AGAP1: variants seen among roughly 807,000 people sequenced by gnomAD.
AGAP1 encodes the protein arf-GAP with GTPase, ANK repeat and PH domain-containing protein 1.
In AGAP1, 29 loss-of-function variants were observed where a neutral mutation model predicts 105.3. The observed-to-expected ratio is 0.28, with a 90% CI of 0.21 to 0.38. The LOEUF (loss-of-function observed/expected upper bound fraction) is 0.38. Among genes scored for constraint, AGAP1 ranks in the 10% least tolerant of loss-of-function variants. AGAP1 has a pLI of 1.00. For missense variants in AGAP1, 998 were observed against 1,165.1 expected (o/e 0.86, Z 2.09); for synonymous variants, 509 against 485.9 (o/e 1.05, Z -0.63).
intron 14 of AGAP1, among the ~76,000 whole-genome samples, chr2:236,039,755 A>G (rs1483426421): frequency 1.3e-5 from 2 of 152,236 alleles, no homozygotes; most frequent in African/African-American, 4.8e-5. Flanking sequence ...AGCAATATGT[A>G]TTACGCTGGC....
intron 1 of AGAP1, among the ~76,000 whole-genome samples, chr2:235,567,711 ATGG>A (rs1442907012): frequency 2.2e-5 from 2 of 92,492 alleles, no homozygotes; most frequent in African/African-American, 4.3e-5. Flanking sequence ...AGAGCATCTG[ATGG>A]TGGTGGCCAG....
intron 1 of AGAP1, among the ~76,000 whole-genome samples, chr2:235,529,381 A>G (rs1159799678): frequency 1.3e-5 from 2 of 152,242 alleles, no homozygotes; most frequent in Non-Finnish European, 2.9e-5. Context: ...CCATGCTGTC[A>G]TTGCCATTGT....
chr2:235,852,880 T>C lies in AGAP1; in HGVS notation c.1051-30465T>C, dbSNP rs1297757532. 4 of 1,355,548 alleles carry C rather than the reference T, an allele frequency of 3.0e-6. No individual in the cohort carries two copies. The South Asian group carries it at 5.9e-5, about 20-fold the overall frequency. The allele number at this position is 1,355,548 out of a possible 1,614,324, so 84.0% of individuals were successfully genotyped here. The stretch of plus-strand genomic sequence containing the variant: ...GGTGGGAGTTAACATAGAGGTGAAC[T>C]CCAGATCGGCCGATAGCTTGCAGGC... On this transcript the variant is annotated intron_variant, in intron 9 of 17. Transcript: ENST00000304032.
At chr2:235,942,682 A>AC (rs1361675434) in intron 12 of AGAP1, among the ~76,000 whole-genome samples, 1 of 113,972 alleles carries the variant, frequency 8.8e-6, no homozygotes, top group Non-Finnish European at 1.8e-5. Flanking sequence ...AAAAAAAAAA[A>AC]AAATTACATT....
chr2:235,709,312 G>A (rs924091226), intron 2 of AGAP1, 75 bp downstream of exon 2: 2 of 1,519,330 alleles, frequency 1.3e-6, no homozygotes, highest in Non-Finnish European at 1.8e-6. Context: ...GCATTCCCAG[G>A]CAACTGGTCA....
At chr2:236,066,690 G>A (rs1490593327) in intron 16 of AGAP1, among the ~76,000 whole-genome samples, 1 of 152,136 alleles carries the variant, frequency 6.6e-6, no homozygotes, top group Non-Finnish European at 1.5e-5. Context: ...GGTATAATTT[G>A]CATACTGCAT....
At chr2:235,840,753 G>A (rs1430406335) in intron 9 of AGAP1, among the ~76,000 whole-genome samples, 1 of 137,570 alleles carries the variant, frequency 7.3e-6, no homozygotes, top group African/African-American at 2.6e-5. Context: ...TGTGGAGGAT[G>A]AAGGAGAAAG....
At position 235,621,902 on chromosome 2, in the gene AGAP1, C is replaced by G. The variant is rs949180651; in HGVS notation, c.164-87277C>G. 5.1e-5 allele frequency among the ~76,000 whole-genome samples: 3 copies of G among 59,150 alleles called. No individual in the cohort carries two copies. Among genetic ancestry groups the G allele is most frequent in the African/African-American group, 1.2e-4 (3 of 26,046 alleles). 38.8% of individuals were successfully genotyped at this position (59,150 alleles called of 152,430 possible). A position where few individuals can be genotyped will look rare whatever the true frequency, so the allele number is the denominator to read the frequency against. On this transcript the variant is annotated intron_variant, in intron 1 of 17. Transcript: ENST00000304032. The surrounding 1 kb of genome is among the most constrained non-coding windows in gnomAD (Gnocchi z 4.1). ...CGATCGGAAGGGAGTGCCGCGCAGA[C>G]CCCCCCACCCCCTCAGAACAGCGGC...
At position 235,977,461 on chromosome 2, in the gene AGAP1, A is replaced by T. The variant is rs1400827593; in HGVS notation, c.1645+8838A>T. Among the ~76,000 whole-genome samples, 1 of 152,136 alleles carries T rather than the reference A, an allele frequency of 6.6e-6. No individual in the cohort carries two copies. Among genetic ancestry groups the T allele is most frequent in the African/African-American group, 2.4e-5 (1 of 41,420 alleles). ...TACTTTCCTCAGCTGCATGTATTTTACACACAAAGTACAGGGATACAGATT... is the reference window on the plus strand; with the variant it reads ...TACTTTCCTCAGCTGCATGTATTTTTCACACAAAGTACAGGGATACAGATT... On this transcript the variant is annotated intron_variant, in intron 13 of 17. Coordinates refer to ENST00000304032, the MANE Select transcript of AGAP1 (RefSeq NM_001037131.3). The surrounding 1 kb of genome is among the most constrained non-coding windows in gnomAD (Gnocchi z 5.2).
intron 13 of AGAP1, among the ~76,000 whole-genome samples, chr2:236,010,311 G>A (rs1211997763): frequency 2.0e-5 from 3 of 152,182 alleles, no homozygotes; most frequent in African/African-American, 7.2e-5. Flanking sequence ...GACGTAGTAA[G>A]CTGCACACTT....
intron 1 of AGAP1, among the ~76,000 whole-genome samples, chr2:235,671,435 C>G (rs1233292751): frequency 1.3e-5 from 2 of 152,204 alleles, no homozygotes; most frequent in Non-Finnish European, 2.9e-5. Context: ...GCTCGCCGGT[C>G]GCCGCCGCAC....
intron 13 of AGAP1, among the ~76,000 whole-genome samples, chr2:236,011,312 T>A (rs2056505976): frequency 6.6e-6 from 1 of 152,260 alleles, no homozygotes; most frequent in Non-Finnish European, 1.5e-5. Flanking sequence ...AAGTTCCATT[T>A]AATTTGCAGA....
At chr2:235,580,013 G>A (rs1038105243) in intron 1 of AGAP1, among the ~76,000 whole-genome samples, 8 of 151,970 alleles carry the variant, frequency 5.3e-5, no homozygotes, top group African/African-American at 1.9e-4. Flanking sequence ...GTGGCCTTCT[G>A]TGACTGGGTT....
intron 1 of AGAP1, among the ~76,000 whole-genome samples, chr2:235,588,546 TA>T (rs932740641): frequency 1.1e-4 from 16 of 151,614 alleles, no homozygotes; most frequent in South Asian, 2.1e-4. Context: ...AAAATCTGGA[TA>T]AAAAAAAATT....
Position 235,632,275 on chromosome 2 carries a change from C to G in AGAP1, c.164-76904C>G, listed in dbSNP as rs142026590. 5.5e-3 allele frequency among the ~76,000 whole-genome samples: 834 copies of G among 152,272 alleles called. 11 individuals carry two copies. Among genetic ancestry groups the G allele is most frequent in the African/African-American group, 0.019 (802 of 41,544 alleles). On this transcript the variant is annotated intron_variant, in intron 1 of 17. Coordinates refer to ENST00000304032, the MANE Select transcript of AGAP1 (RefSeq NM_001037131.3). ...ACCAGAGCAGTGTTCGCATGAACTG[C>G]CCAGCCAGCTGTCCCCAGGAGCTAA...
chr2:235,689,388 G>A lies in AGAP1; in HGVS notation c.164-19791G>A, dbSNP rs577885509. Among the ~76,000 whole-genome samples the A allele has an allele frequency of 3.3e-5, 5 of 152,226 alleles. No individual in the cohort carries two copies. Among genetic ancestry groups the A allele is most frequent in the African/African-American group, 1.2e-4 (5 of 41,466 alleles). On this transcript the variant is annotated intron_variant, in intron 1 of 17. Transcript: ENST00000304032. The surrounding 1 kb of genome is among the most constrained non-coding windows in gnomAD (Gnocchi z 4.2). ...CCCGTAGGGTCTCCAGCACAATACCGGGTTAGTGAGCAGAAAGTAGTGCAC... is the reference window on the plus strand; with the variant it reads ...CCCGTAGGGTCTCCAGCACAATACCAGGTTAGTGAGCAGAAAGTAGTGCAC...
At position 236,005,976 on chromosome 2, in the gene AGAP1, G is replaced by A. The variant is rs144554639; in HGVS notation, c.1646-30585G>A. 4.6e-5 allele frequency among the ~76,000 whole-genome samples: 7 copies of A among 152,328 alleles called. No individual in the cohort carries two copies. In the East Asian group the frequency reaches 1.3e-3, roughly 29 times the overall value. ...TCACTGTGCACTTAAGGAGTTGGGC[G>A]TTAGACCCCCTGTCCTTGAGGGTGG... On this transcript the variant is annotated intron_variant, in intron 13 of 17. Coordinates refer to ENST00000304032, the MANE Select transcript of AGAP1 (RefSeq NM_001037131.3). This position sits in a 1 kb window ranked among gnomAD's most constrained non-coding sequence, Gnocchi z 4.1.
rs367912404 is a variant in AGAP1 at position 235,577,967 on chromosome 2, G to T, written c.163+83118G>T. ...CAAGGGAGCAGTGTCTGCACAGGGG[G>T]TCTGGATCGCACCCGACACCATCCA... On this transcript the variant is annotated intron_variant, in intron 1 of 17. Transcript: ENST00000304032. This position sits in a 1 kb window ranked among gnomAD's most constrained non-coding sequence, Gnocchi z 4.5. 6.6e-6 allele frequency among the ~76,000 whole-genome samples: 1 copy of T among 152,080 alleles called. No homozygotes were observed.
intron 6 of AGAP1, among the ~76,000 whole-genome samples, chr2:235,768,129 G>A (rs1336898024): frequency 6.6e-6 from 1 of 151,922 alleles, no homozygotes; most frequent in African/African-American, 2.4e-5. Flanking sequence ...TTCCCTCTTA[G>A]TTTTTCTTAC....
Sources: gnomAD v4.1 joint callset for allele counts (sites outside exome capture counted in the v4.1 genomes callset) on GRCh38, gnomAD v4.1.1 for gene constraint, Gnocchi (gnomAD v3.1) non-coding constraint, MANE v1.5 for transcripts, NCBI Gene and HGNC (gene_info 2026-07-23, HGNC 2026-07-21) for gene names.